LRRC37B: variants seen among roughly 807,000 people sequenced by gnomAD.
LRRC37B encodes leucine rich repeat containing 37B.
In LRRC37B, 28 loss-of-function variants were observed where a neutral mutation model predicts 98.3. The ratio of observed to expected loss-of-function variants is 0.28; its 90% CI spans 0.21 to 0.39. The LOEUF (loss-of-function observed/expected upper bound fraction) is 0.39. LRRC37B is among the 10% of genes least tolerant of loss of function. LRRC37B has a pLI of 1.00. For synonymous variants in LRRC37B, 364 were observed against 442.7 expected (o/e 0.82, Z 2.23); for missense variants, 938 against 1,182.7 (o/e 0.79, Z 3.03).
intron 5 of LRRC37B, among the ~76,000 whole-genome samples, chr17:32,032,520 G>A (rs1386140708): frequency 6.6e-6 from 1 of 151,826 alleles, no homozygotes; most frequent in Non-Finnish European, 1.5e-5. Context: ...GGCCTGAAGG[G>A]GACTTTAGAC....
chr17:32,012,904 C>T (rs566135874), intron 1 of LRRC37B, among the ~76,000 whole-genome samples: 25 of 152,268 alleles, frequency 1.6e-4, no homozygotes, highest in Non-Finnish European at 2.6e-4. Context: ...GTAATCCCAA[C>T]TACTTGGGAG....
intron 3 of LRRC37B, among the ~76,000 whole-genome samples, chr17:32,029,163 AG>A (rs1000292902): frequency 1.3e-5 from 2 of 151,872 alleles, no homozygotes; most frequent in African/African-American, 4.8e-5. Flanking sequence ...CGCCATGCCC[AG>A]CTAATTTATT....
upstream of LRRC37B, chr17:32,020,912 C>G: frequency 7.1e-7 from 1 of 1,415,410 alleles, no homozygotes; most frequent in South Asian, 1.5e-5. Flanking sequence ...CAAATCCTTC[C>G]TCACTAAGGG....
intron 1 of LRRC37B, among the ~76,000 whole-genome samples, chr17:32,013,479 G>A (rs1016875070): frequency 6.6e-6 from 1 of 151,794 alleles, no homozygotes; most frequent in African/African-American, 2.4e-5. Flanking sequence ...TTTTTGGGGG[G>A]TTTCTTCTGT....
chr17:32,045,863 T>G (rs780365148), intron 8 of LRRC37B, 45 bp downstream of exon 11: 10 of 1,552,292 alleles, frequency 6.4e-6, no homozygotes, highest in Non-Finnish European at 8.7e-6. Context: ...TTATTTTAAG[T>G]ATTTGTTTTT....
chr17:32,010,498 T>G (rs1910501704), intron 1 of LRRC37B, among the ~76,000 whole-genome samples: 1 of 152,228 alleles, frequency 6.6e-6, no homozygotes, highest in African/African-American at 2.4e-5. Flanking sequence ...TTCCACACCT[T>G]CTTTTTTCAC....
Position 32,045,955 on chromosome 17 carries a change from C to A in LRRC37B, c.2323+137C>A. Reference sequence around the variant, plus strand: ...CTCAGTCAGATTTCAACTCCCTCAACTTCTGAATGACTCCCTTGCTGGGAG... The same window carrying A: ...CTCAGTCAGATTTCAACTCCCTCAAATTCTGAATGACTCCCTTGCTGGGAG... On this transcript the variant is annotated intron_variant, in intron 8 of 11. Coordinates refer to ENST00000327564, the Ensembl canonical transcript of LRRC37B. The A allele has an allele frequency of 4.1e-6, 4 of 968,734 alleles. No individual in the cohort carries two copies. In the South Asian group the frequency reaches 5.1e-5, roughly 12 times the overall value. The allele number at this position is 968,734 out of a possible 1,614,324, so 60.0% of individuals were successfully genotyped here.
At chr17:32,019,233 G>C (rs150028257), upstream of LRRC37B, among the ~76,000 whole-genome samples, 609 of 152,240 alleles carry the variant, frequency 4.0e-3, 8 homozygotes, top group African/African-American at 0.013. Flanking sequence ...GGGCCCCATT[G>C]TTATCATTTA....
intron 3 of LRRC37B, chr17:32,029,000 T>G (rs1233022089): frequency 6.6e-6 from 1 of 152,026 alleles, no homozygotes; most frequent in Non-Finnish European, 1.5e-5. Flanking sequence ...TTTATTTATT[T>G]TTATTTATTA....
At chr17:32,021,697 A>C in exon 1 of LRRC37B, 1 of 1,614,234 alleles carries the variant, frequency 6.2e-7, no homozygotes, top group Non-Finnish European at 8.5e-7. Flanking sequence ...AGACCAACCA[A>C]ATTTGTTGTT....
At chr17:32,048,858 G>A (rs897187821) in intron 9 of LRRC37B, 63 of 1,508,658 alleles carry the variant, frequency 4.2e-5, no homozygotes, top group Admixed American at 1.0e-4. Context: ...CCTTCAGAAC[G>A]TTTTATAGAA....
intron 8 of LRRC37B, chr17:32,047,319 C>T (rs1285477943): frequency 4.6e-5 from 10 of 219,770 alleles, no homozygotes; most frequent in East Asian, 2.1e-4. Context: ...CATTCAGCTG[C>T]GATGGTAGCA....
At chr17:32,022,721 C>T in exon 1 of LRRC37B, 1 of 1,614,026 alleles carries the variant, frequency 6.2e-7, no homozygotes. Context: ...AGCTCTGCAC[C>T]TGCGGAGATG....
chr17:32,052,354 T>A (rs397833956), intron 11 of LRRC37B: 1 of 152,152 alleles, frequency 6.6e-6, no homozygotes, highest in Non-Finnish European at 1.5e-5. Flanking sequence ...AAAACTTTTG[T>A]TGTAGAGACA....
At chr17:32,022,962 A>G (rs1910845484) in intron 1 of LRRC37B, 137 bp downstream of exon 4, 2 of 794,924 alleles carry the variant, frequency 2.5e-6, no homozygotes, top group Non-Finnish European at 4.1e-6. Flanking sequence ...TTGCCTGTCA[A>G]TTCTCCCTTC....
intron 2 of LRRC37B, among the ~76,000 whole-genome samples, chr17:32,027,360 T>C (rs1332770829): frequency 6.7e-6 from 1 of 150,278 alleles, no homozygotes; most frequent in Admixed American, 6.6e-5. Flanking sequence ...TGTGTGTGTG[T>C]GCTTGTGTGT....
chr17:32,007,957 C>T (rs774806671), upstream of LRRC37B: 32 of 536,474 alleles, frequency 6.0e-5, no homozygotes, highest in Non-Finnish European at 1.5e-5. The surrounding 1 kb of genome is among the most constrained non-coding windows in gnomAD (Gnocchi z 4.1). Context: ...ACTACGAGAG[C>T]GAGGAGGAGG....
chr17:32,028,102 G>A (rs1231047354), intron 3 of LRRC37B, among the ~76,000 whole-genome samples: 1 of 87,722 alleles, frequency 1.1e-5, no homozygotes, highest in Non-Finnish European at 2.4e-5. Context: ...TATGAACCTT[G>A]TTTTATAAGG....
chr17:32,013,036 A>T (rs1462062229), intron 1 of LRRC37B, among the ~76,000 whole-genome samples: 1 of 152,120 alleles, frequency 6.6e-6, no homozygotes, highest in Non-Finnish European at 1.5e-5. Flanking sequence ...CAGACAAACA[A>T]AAAACCATTA....
Sources: allele counts gnomAD v4.1 joint callset (sites outside exome capture counted in the v4.1 genomes callset), GRCh38; gene constraint gnomAD v4.1.1; non-coding constraint Gnocchi (gnomAD v3.1); transcripts MANE v1.5; gene names NCBI Gene and HGNC (gene_info 2026-07-23, HGNC 2026-07-21).